Variants in FRMD3 observed in about 807,000 individuals in gnomAD.
FRMD3 encodes the protein FERM domain containing 3, also known as FERM domain-containing protein 3.
A neutral mutation model predicts 70.2 loss-of-function variants in FRMD3; 33 were observed. That is an observed-to-expected ratio of 0.47 (90% confidence interval 0.36 to 0.63). The LOEUF (loss-of-function observed/expected upper bound fraction) is 0.63, where lower values mean the gene tolerates loss of function less well. FRMD3 is among the 20% of genes least tolerant of loss of function. The pLI, the probability that FRMD3 is intolerant of heterozygous loss-of-function variation, is 0.00. For synonymous variants in FRMD3, 279 were observed against 255.9 expected, an observed-to-expected ratio of 1.09 and a Z score of -0.86; for missense variants, 632 against 711.4, an observed-to-expected ratio of 0.89 and a Z score of 1.27.
intron 3 of FRMD3, among the ~76,000 whole-genome samples, chr9:83,370,608 T>C (rs1824939488): frequency 6.6e-6 from 1 of 152,152 alleles, no homozygotes; most frequent in Non-Finnish European, 1.5e-5. Flanking sequence ...TACACCATTC[T>C]AATAAGACAT....
At chr9:83,514,959 G>A (rs1460969043) in intron 1 of FRMD3, among the ~76,000 whole-genome samples, 4 of 152,102 alleles carry the variant, frequency 2.6e-5, no homozygotes, top group African/African-American at 9.7e-5. Flanking sequence ...TCCATCCAAA[G>A]GTCACCAAAA....
intron 1 of FRMD3, among the ~76,000 whole-genome samples, chr9:83,413,424 T>C (rs761184608): frequency 1.1e-4 from 16 of 152,196 alleles, no homozygotes; most frequent in Non-Finnish European, 1.6e-4. Flanking sequence ...CAGCCATAGA[T>C]GGGCAGAAAT....
At chr9:83,492,132 CCATAGGTCATTCCAGGACACTT>C (rs1366961839) in intron 1 of FRMD3, among the ~76,000 whole-genome samples, 1 of 152,190 alleles carries the variant, frequency 6.6e-6, no homozygotes, top group East Asian at 1.9e-4. Context: ...TTCTGTCATG[CCATAGGTCATTCCAGGACACTT>C]CAGCCCTACA....
downstream of FRMD3, chr9:83,243,289 G>A (rs1831942527): frequency 8.4e-6 from 12 of 1,421,500 alleles, no homozygotes; most frequent in South Asian, 1.4e-4. Flanking sequence ...CAAGTAAGCA[G>A]CGACCTTCAG....
chr9:83,393,027 C>T (rs944070076), intron 1 of FRMD3, among the ~76,000 whole-genome samples: 6 of 152,182 alleles, frequency 3.9e-5, no homozygotes, highest in Non-Finnish European at 4.4e-5. Flanking sequence ...GATATAAATG[C>T]GTGAGCAGGG....
intron 6 of FRMD3, among the ~76,000 whole-genome samples, chr9:83,325,719 C>A (rs983655336): frequency 2.6e-5 from 4 of 152,178 alleles, no homozygotes; most frequent in African/African-American, 7.2e-5. Flanking sequence ...ATACTCAGAT[C>A]CGATTAGAGA....
chr9:83,364,190 T>C (rs1054571964), intron 3 of FRMD3, among the ~76,000 whole-genome samples: 5 of 152,218 alleles, frequency 3.3e-5, no homozygotes, highest in African/African-American at 9.7e-5. Context: ...GTTATATGTT[T>C]GGCAAATGTT....
At chr9:83,345,698 A>C (rs932433655) in intron 4 of FRMD3, among the ~76,000 whole-genome samples, 2 of 152,130 alleles carry the variant, frequency 1.3e-5, no homozygotes, top group African/African-American at 2.4e-5. Flanking sequence ...CAGAAGTTAC[A>C]GTGAGCCGAG....
intron 1 of FRMD3, among the ~76,000 whole-genome samples, chr9:83,416,344 G>A (rs914687210): frequency 6.6e-6 from 1 of 152,224 alleles, no homozygotes; most frequent in East Asian, 1.9e-4. Context: ...CTGGGACACT[G>A]AATACTCACT....
intron 1 of FRMD3, among the ~76,000 whole-genome samples, chr9:83,403,052 C>T (rs548180918): frequency 2.0e-5 from 3 of 151,816 alleles, no homozygotes; most frequent in East Asian, 3.9e-4. Flanking sequence ...TACAGGCACC[C>T]GCTACCATGC....
chr9:83,496,308 G>C (rs1391945240), intron 1 of FRMD3, among the ~76,000 whole-genome samples: 1 of 152,136 alleles, frequency 6.6e-6, no homozygotes, highest in Non-Finnish European at 1.5e-5. Context: ...CTGAAGTTTG[G>C]GAAGCTGATG....
At chr9:83,507,732 A>ATC (rs1158473884) in intron 1 of FRMD3, among the ~76,000 whole-genome samples, 1,889 of 92,900 alleles carry the variant, frequency 0.02, 139 homozygotes, top group Non-Finnish European at 0.029. Flanking sequence ...ATATATATAT[A>ATC]TATATATCTT....
At chr9:83,458,583 C>T (rs1234263998) in intron 1 of FRMD3, among the ~76,000 whole-genome samples, 1 of 152,234 alleles carries the variant, frequency 6.6e-6, no homozygotes, top group East Asian at 1.9e-4. Context: ...ACTAAATGAG[C>T]TTCCTTCCAC....
Position 83,248,203 on chromosome 9 carries a change from C to T in FRMD3, c.1509G>A (p.Glu503=). ...AGCTCCACGACAAAGCACGGCGAGC[C>T]TCCTTCAGCTCCTCTTCTTCAGCAA... ...FLIAEEEELK[E]ARRALSWSYD... is the part of the protein sequence containing the mutation. The change falls in exon 14 of 14, where the codon GAG becomes GAA. Residue 503 remains glutamate, a synonymous_variant. Transcript: ENST00000304195. 6.2e-7 allele frequency: 1 copy of T among 1,614,200 alleles called. No individual in the cohort carries two copies. The highest frequency in any genetic ancestry group is 8.5e-7 in the Non-Finnish European group (1 of 1,180,030).
intron 8 of FRMD3, 78 bp from the exon 9 acceptor site, chr9:83,310,626 G>T: frequency 9.0e-7 from 1 of 1,106,198 alleles, no homozygotes. Context: ...ATAGGAATCT[G>T]ACTCAAAAAT....
rs527814149 is a variant in FRMD3, at chr9:83,291,120, C to A, written c.1071-393G>T. 3.3e-5 allele frequency among the ~76,000 whole-genome samples: 5 copies of A among 152,242 alleles called. 1 individual carries two copies. The South Asian group carries it at 8.3e-4, about 25-fold the overall frequency. ...ATGGCTCAGAGAAATTTAACAACCA[C>A]CAACAAACAAAAACAAAAACCCCTG... On this transcript the variant is annotated intron_variant, in intron 12 of 13. Transcript: ENST00000304195.
At chr9:83,382,191 C>T (rs548832454) in intron 2 of FRMD3, among the ~76,000 whole-genome samples, 1 of 151,938 alleles carries the variant, frequency 6.6e-6, no homozygotes, top group Admixed American at 6.6e-5. Flanking sequence ...TGCTGTCATG[C>T]CACATAAATT....
intron 6 of FRMD3, chr9:83,332,044 G>A (rs1310734327): frequency 1.8e-5 from 11 of 625,366 alleles, no homozygotes; most frequent in African/African-American, 7.4e-5. Context: ...AATGGTGGGC[G>A]GAGCCCCCCA....
chr9:83,464,074 T>C (rs1828051166), intron 1 of FRMD3, among the ~76,000 whole-genome samples: 1 of 152,178 alleles, frequency 6.6e-6, no homozygotes, highest in South Asian at 2.1e-4. Context: ...GCATGAATGA[T>C]CATTATTCAC....
Sources: gnomAD v4.1 joint callset for allele counts (sites outside exome capture counted in the v4.1 genomes callset) on GRCh38, gnomAD v4.1.1 for gene constraint, MANE v1.5 for transcripts, NCBI Gene and HGNC (gene_info 2026-07-23, HGNC 2026-07-21) for gene names.